The following SIK3 variants were observed in gnomAD, a reference collection of about 807,000 sequenced individuals.
SIK3 encodes SIK family kinase 3, also known as serine/threonine-protein kinase SIK3.
SIK3 carries 28 observed loss-of-function variants against 144.2 expected under a neutral mutation model. The observed-to-expected ratio is 0.19, with a 90% CI of 0.14 to 0.27. The LOEUF (loss-of-function observed/expected upper bound fraction) is 0.27. Ranked by LOEUF, SIK3 falls within the 10% of genes least tolerant of loss-of-function variation. SIK3 has a pLI of 1.00. For missense variants in SIK3, 1,319 were observed against 1,776.0 expected, an observed-to-expected ratio of 0.74 and a Z score of 4.62; for synonymous variants, 686 against 676.3, an observed-to-expected ratio of 1.01 and a Z score of -0.22.
At chr11:116,960,146 G>A (rs1453268247) in intron 1 of SIK3, among the ~76,000 whole-genome samples, 2 of 152,070 alleles carry the variant, frequency 1.3e-5, no homozygotes, top group Non-Finnish European at 2.9e-5. Context: ...TTCTTAGAAG[G>A]CACGTACAAA....
chr11:117,063,219 C>A (rs1209062798), intron 1 of SIK3, among the ~76,000 whole-genome samples: 1 of 152,126 alleles, frequency 6.6e-6, no homozygotes, highest in Non-Finnish European at 1.5e-5. Flanking sequence ...GAATTAAACA[C>A]CCTCCCCTTT....
intron 4 of SIK3, among the ~76,000 whole-genome samples, chr11:116,917,011 A>G (rs1383557749): frequency 6.6e-6 from 1 of 151,832 alleles, no homozygotes; most frequent in Non-Finnish European, 1.5e-5. Flanking sequence ...CTAGAGAGCA[A>G]TGGTGTAATC....
chr11:117,036,758 C>CCTCT (rs1952523852), intron 1 of SIK3, among the ~76,000 whole-genome samples: 1 of 152,000 alleles, frequency 6.6e-6, no homozygotes, highest in Admixed American at 6.6e-5. Flanking sequence ...TCCAATGGGG[C>CCTCT]AATGAAAAAC....
chr11:117,066,227 T>C (rs1954011777), intron 1 of SIK3, among the ~76,000 whole-genome samples: 1 of 151,826 alleles, frequency 6.6e-6, no homozygotes, highest in Admixed American at 6.6e-5. Flanking sequence ...CGCCACCATG[T>C]CTGGCTAATT....
Position 116,846,449 on chromosome 11 carries a change from G to A in SIK3, c.4057C>T (p.Leu1353Phe), listed in dbSNP as rs1347205358. The change falls in exon 24 of 25, where the codon CTC becomes TTC. Residue 1353 changes from leucine to phenylalanine, a missense_variant. Coordinates refer to ENST00000445177, the MANE Select transcript of SIK3 (RefSeq NM_001366686.3). This position sits in a 1 kb window ranked among gnomAD's most constrained non-coding sequence, Gnocchi z 4.1. ...GAGACTTCGGGGTGCTTGTAGCTGA[G>A]CAGAATGTCTGTAATACACGTAGAT... is the stretch of plus-strand genomic sequence containing the variant. ...YPSTCITDIL[L>F]SYKHPEVSFS... 1 of 1,614,204 alleles carries A rather than the reference G, an allele frequency of 6.2e-7. No individual in the cohort carries two copies. The highest frequency in any genetic ancestry group is 8.5e-7 in the Non-Finnish European group (1 of 1,180,030).
chr11:117,069,193 G>T (rs1396339315), intron 1 of SIK3, among the ~76,000 whole-genome samples: 1 of 144,566 alleles, frequency 6.9e-6, no homozygotes, highest in East Asian at 2.2e-4. Flanking sequence ...TTGGGGGGGG[G>T]GGGGTTTGTT....
At chr11:116,983,423 G>A (rs373194487) in intron 1 of SIK3, among the ~76,000 whole-genome samples, 15 of 151,420 alleles carry the variant, frequency 9.9e-5, no homozygotes, top group African/African-American at 3.6e-4. Flanking sequence ...CCAGCTACTC[G>A]GGAAACTGAG....
At chr11:117,095,405 T>C (rs1955431479) in intron 1 of SIK3, among the ~76,000 whole-genome samples, 1 of 151,942 alleles carries the variant, frequency 6.6e-6, no homozygotes, top group Non-Finnish European at 1.5e-5. Flanking sequence ...AATGACACAT[T>C]CTGGAGACAG....
intron 13 of SIK3, among the ~76,000 whole-genome samples, chr11:116,872,009 A>G (rs939366377): frequency 9.2e-5 from 14 of 152,164 alleles, no homozygotes; most frequent in African/African-American, 3.4e-4. Context: ...ACAGGAGTGG[A>G]CAAACTCATC....
intron 1 of SIK3, among the ~76,000 whole-genome samples, chr11:117,060,493 A>G (rs1953744344): frequency 6.6e-6 from 1 of 151,712 alleles, no homozygotes; most frequent in Non-Finnish European, 1.5e-5. Flanking sequence ...GCTACTCGGG[A>G]GGCTGAGGGA....
chr11:116,863,993 T>C, intron 15 of SIK3, 175 bp from the exon 16 acceptor site: 1 of 579,372 alleles, frequency 1.7e-6, no homozygotes, highest in Non-Finnish European at 2.9e-6. Context: ...CTGCTTCCCT[T>C]TAGAGGGCTC....
rs1241106232 is a variant in SIK3, at chr11:116,843,830, G to T, written c.*1813C>A. The T allele has an allele frequency of 6.6e-6, 1 of 152,170 alleles. No individual in the cohort carries two copies. The highest frequency in any genetic ancestry group is 1.5e-5 in the Non-Finnish European group (1 of 68,048). The allele number at this position is 152,170 out of a possible 1,614,324, so 9.4% of individuals were successfully genotyped here. A position where few individuals can be genotyped will look rare whatever the true frequency, so the allele number is the denominator to read the frequency against. On this transcript the variant is annotated 3_prime_UTR_variant, in exon 25 of 25. Coordinates refer to ENST00000445177, the MANE Select transcript of SIK3 (RefSeq NM_001366686.3). ...ACCCCACCAAGTGGAGGGGAGACTG[G>T]GGACCATGGAAACATGGGACAGCTC... is the stretch of plus-strand genomic sequence containing the variant.
chr11:116,870,319 A>G lies in SIK3; in HGVS notation c.1808+12T>C, dbSNP rs748535924. The G allele has an allele frequency of 1.3e-4, 205 of 1,613,824 alleles. No homozygotes were observed. Among genetic ancestry groups the G allele is most frequent in the Non-Finnish European group, 1.6e-4 (186 of 1,180,026 alleles). On this transcript the variant is annotated intron_variant, in intron 14 of 24. Coordinates refer to ENST00000445177, the MANE Select transcript of SIK3 (RefSeq NM_001366686.3). ...CAGGGGCTTCTGCAAGCACTGCCAGATGTCACATTACCTCTGCACAGCTTC... is the reference window on the plus strand; with the variant it reads ...CAGGGGCTTCTGCAAGCACTGCCAGGTGTCACATTACCTCTGCACAGCTTC...
At chr11:117,049,224 C>G (rs964229121) in intron 1 of SIK3, among the ~76,000 whole-genome samples, 1 of 152,132 alleles carries the variant, frequency 6.6e-6, no homozygotes, top group Non-Finnish European at 1.5e-5. Flanking sequence ...TTGATTCCAA[C>G]CACCTCCATA....
intron 23 of SIK3, 33 bp downstream of exon 23, chr11:116,847,443 T>A: frequency 6.2e-7 from 1 of 1,613,702 alleles, no homozygotes; most frequent in Non-Finnish European, 8.5e-7. Flanking sequence ...TCCAGGAACT[T>A]CTCTGGAGTG....
Position 117,098,287 on chromosome 11 carries a change from A to C in SIK3, c.129T>G (p.Pro43=). Residue 43 remains proline, a synonymous_variant, in exon 1 of 25, where the codon CCT becomes CCG. Transcript: ENST00000445177. ...CTGGGGGACGCGGCTGGCCGGCCGC[A>C]GGGGACACGGCAGCGGGGGCGGCTG... is the stretch of plus-strand genomic sequence containing the variant. ...GSPAAPAAVS[P]AAGQPRPPAP... is the part of the protein sequence containing the mutation. 2 of 1,317,984 alleles carry C rather than the reference A, an allele frequency of 1.5e-6. No individual in the cohort carries two copies. Among genetic ancestry groups the C allele is most frequent in the Non-Finnish European group, 2.0e-6 (2 of 1,023,826 alleles). 81.6% of individuals were successfully genotyped at this position (1,317,984 alleles called of 1,614,324 possible).
intron 21 of SIK3, among the ~76,000 whole-genome samples, chr11:116,855,979 C>T (rs971068290): frequency 6.6e-6 from 1 of 152,124 alleles, no homozygotes; most frequent in Non-Finnish European, 1.5e-5. Flanking sequence ...GTGCGGATCA[C>T]GAGGTCAGGA....
chr11:116,984,893 G>A (rs1258081310), intron 1 of SIK3, among the ~76,000 whole-genome samples: 1 of 152,208 alleles, frequency 6.6e-6, no homozygotes, highest in Non-Finnish European at 1.5e-5. Flanking sequence ...TCTGTGTATA[G>A]AGTCCAGAAG....
Position 116,983,335 on chromosome 11 carries a change from A to G in SIK3, c.274-26271T>C, listed in dbSNP as rs1356429594. Among the ~76,000 whole-genome samples the G allele has an allele frequency of 1.3e-5, 2 of 151,644 alleles. 1 individual carries two copies. The highest frequency in any genetic ancestry group is 1.3e-4 in the Admixed American group (2 of 15,216). On this transcript the variant is annotated intron_variant, in intron 1 of 24. Coordinates refer to ENST00000445177, the MANE Select transcript of SIK3 (RefSeq NM_001366686.3). The stretch of plus-strand genomic sequence containing the variant: ...TCACTTGAGGTCAGGAGTTCGAGAC[A>G]AGCCTGGACAACATGCCAAACCCAT...
Sources: allele counts gnomAD v4.1 joint callset (sites outside exome capture counted in the v4.1 genomes callset), GRCh38; gene constraint gnomAD v4.1.1; non-coding constraint Gnocchi (gnomAD v3.1); transcripts MANE v1.5; gene names NCBI Gene and HGNC (gene_info 2026-07-23, HGNC 2026-07-21).